Variants in ZNF385D observed in about 807,000 individuals in gnomAD.
ZNF385D encodes the protein zinc finger protein 385D.
Under a neutral mutation model 35.8 loss-of-function variants are expected in ZNF385D, and 15 were observed. That is an observed-to-expected ratio of 0.42 (90% CI 0.28 to 0.64). The LOEUF (loss-of-function observed/expected upper bound fraction) is 0.64, where lower values mean the gene tolerates loss of function less well. Ranked by LOEUF, ZNF385D falls within the 30% of genes least tolerant of loss-of-function variation. The pLI, the probability that ZNF385D is intolerant of heterozygous loss-of-function variation, is 0.23. For synonymous variants in ZNF385D, 212 were observed against 186.8 expected (o/e 1.13, Z -1.10); for missense variants, 474 against 494.6 (o/e 0.96, Z 0.39).
chr3:21,961,221 A>C (rs540811941), intron 3 of ZNF385D, among the ~76,000 whole-genome samples: 21 of 152,270 alleles, frequency 1.4e-4, no homozygotes, highest in Non-Finnish European at 2.5e-4. Context: ...AAATAAAAGA[A>C]AATAATTTTT....
intron 1 of ZNF385D, among the ~76,000 whole-genome samples, chr3:21,717,124 A>T (rs1177119892): frequency 6.6e-6 from 1 of 152,160 alleles, no homozygotes; most frequent in African/African-American, 2.4e-5. Flanking sequence ...GACAATAACA[A>T]TAACAACAAG....
intron 3 of ZNF385D, among the ~76,000 whole-genome samples, chr3:22,076,778 T>C (rs1383083): frequency 0.12 from 17,797 of 151,724 alleles, 1,338 homozygotes; most frequent in Middle Eastern, 0.22. Flanking sequence ...AATTGAAAAA[T>C]ATAGTGACTT....
At chr3:22,338,327 G>T (rs1695263728) in intron 2 of ZNF385D, among the ~76,000 whole-genome samples, 1 of 152,098 alleles carries the variant, frequency 6.6e-6, no homozygotes, top group African/African-American at 2.4e-5. Flanking sequence ...ATTTCCATAT[G>T]ATCTTTTTAG....
At position 21,474,102 on chromosome 3, in the gene ZNF385D, G is replaced by A. The variant is rs145159076; in HGVS notation, c.439+36759C>T. Among the ~76,000 whole-genome samples the A allele has an allele frequency of 1.0e-4, 8 of 76,740 alleles. No individual in the cohort carries two copies. In the East Asian group the frequency reaches 3.2e-3, roughly 31 times the overall value. 50.3% of individuals were successfully genotyped at this position (76,740 alleles called of 152,430 possible). On this transcript the variant is annotated intron_variant, in intron 4 of 7. Transcript: ENST00000281523. The stretch of plus-strand genomic sequence containing the variant: ...AGCACTGTATACCTAGTACCTTCGA[G>A]AACACGTGGAACAAATTTTTTTTTA...
chr3:21,781,183 A>G (rs1400945758), intron 3 of ZNF385D, among the ~76,000 whole-genome samples: 1 of 151,132 alleles, frequency 6.6e-6, no homozygotes, highest in Non-Finnish European at 1.5e-5. Context: ...GACAAATGTA[A>G]ATCTGGAAAA....
At chr3:22,294,753 T>C (rs1702480372) in intron 2 of ZNF385D, among the ~76,000 whole-genome samples, 1 of 152,140 alleles carries the variant, frequency 6.6e-6, no homozygotes, top group Non-Finnish European at 1.5e-5. Context: ...TACTAGCATG[T>C]TGTAAGAATT....
chr3:21,632,554 C>A (rs1046186053), intron 2 of ZNF385D, among the ~76,000 whole-genome samples: 1 of 152,020 alleles, frequency 6.6e-6, no homozygotes, highest in Admixed American at 6.6e-5. Context: ...CAAAGGAATG[C>A]AGTTAAGGGG....
intron 2 of ZNF385D, among the ~76,000 whole-genome samples, chr3:21,592,557 C>A (rs1319156): frequency 0.43 from 49,560 of 114,436 alleles, 9,173 homozygotes; most frequent in Non-Finnish European, 0.48. Flanking sequence ...AAAAAAAAAC[C>A]AAAAACAAAA....
intron 2 of ZNF385D, among the ~76,000 whole-genome samples, chr3:22,365,475 T>C (rs1168970587): frequency 6.6e-6 from 1 of 152,076 alleles, no homozygotes; most frequent in Admixed American, 6.5e-5. Flanking sequence ...CGACGAGATG[T>C]TTATCTTTCT....
At chr3:21,769,336 C>T (rs971924590) in intron 3 of ZNF385D, among the ~76,000 whole-genome samples, 1 of 130,528 alleles carries the variant, frequency 7.7e-6, no homozygotes, top group Non-Finnish European at 1.6e-5. Context: ...CTAGAAAACC[C>T]CGTCGTCTCA....
intron 3 of ZNF385D, among the ~76,000 whole-genome samples, chr3:22,011,953 C>T (rs1322633943): frequency 6.6e-6 from 1 of 152,226 alleles, no homozygotes; most frequent in South Asian, 2.1e-4. Flanking sequence ...TTCTTCTTCC[C>T]TCCCTTCTTT....
chr3:21,936,668 A>G (rs141354291), intron 3 of ZNF385D, among the ~76,000 whole-genome samples: 286 of 152,244 alleles, frequency 1.9e-3, no homozygotes, highest in African/African-American at 6.6e-3. Context: ...ACAGCCATGT[A>G]TACCCAGTTA....
chr3:22,232,947 CAG>C (rs749678314), intron 2 of ZNF385D, among the ~76,000 whole-genome samples: 41 of 152,142 alleles, frequency 2.7e-4, no homozygotes, highest in Non-Finnish European at 5.1e-4. Flanking sequence ...TCTGCTTAAA[CAG>C]ATTTTTAAAA....
At chr3:22,265,571 C>T (rs1024590739) in intron 2 of ZNF385D, among the ~76,000 whole-genome samples, 10 of 151,962 alleles carry the variant, frequency 6.6e-5, no homozygotes, top group African/African-American at 2.4e-4. Context: ...ATCAACCTAA[C>T]ACACGCTATC....
At chr3:22,372,336 A>T in intron 2 of ZNF385D, 1 of 614,222 alleles carries the variant, frequency 1.6e-6, no homozygotes, top group Non-Finnish European at 2.0e-6. Context: ...CCCCCATGCG[A>T]GCCCCAGCCC....
intron 3 of ZNF385D, among the ~76,000 whole-genome samples, chr3:22,078,580 G>A (rs1282994349): frequency 6.6e-6 from 1 of 152,030 alleles, no homozygotes; most frequent in African/African-American, 2.4e-5. Context: ...ATCAAGGCAA[G>A]GAAGTTCAAC....
At chr3:21,865,965 A>C (rs1231332848) in intron 3 of ZNF385D, among the ~76,000 whole-genome samples, 2 of 152,034 alleles carry the variant, frequency 1.3e-5, no homozygotes, top group East Asian at 3.9e-4. Context: ...GTTTGTAGTG[A>C]CTGAACATTA....
At chr3:22,169,699 T>A (rs1045146450) in intron 2 of ZNF385D, among the ~76,000 whole-genome samples, 3 of 152,208 alleles carry the variant, frequency 2.0e-5, no homozygotes, top group Non-Finnish European at 2.9e-5. Flanking sequence ...ATGGCTTACA[T>A]TGGAAAGCAT....
At chr3:21,682,328 A>G (rs1326982576) in intron 1 of ZNF385D, among the ~76,000 whole-genome samples, 1 of 146,884 alleles carries the variant, frequency 6.8e-6, no homozygotes, top group African/African-American at 2.5e-5. Flanking sequence ...AGAGACAGAC[A>G]TGATTAAAGG....
Sources: gnomAD v4.1 joint callset for allele counts (sites outside exome capture counted in the v4.1 genomes callset) on GRCh38, gnomAD v4.1.1 for gene constraint, MANE v1.5 for transcripts, NCBI Gene and HGNC (gene_info 2026-07-23, HGNC 2026-07-21) for gene names.